The following CCDC38 variants were observed in gnomAD, a reference collection of about 807,000 sequenced individuals.
The protein encoded by CCDC38 is coiled-coil domain-containing protein 38.
A neutral mutation model predicts 72.8 loss-of-function variants in CCDC38; 69 were observed. The observed-to-expected ratio is 0.95, with a 90% CI of 0.78 to 1.16. The LOEUF (loss-of-function observed/expected upper bound fraction) is 1.16. CCDC38 is among the 50% of genes most tolerant of loss of function. The probability of loss-of-function intolerance (pLI) is 0.00; values close to 1 mark genes in which losing one functional copy is unlikely to be tolerated. For synonymous variants in CCDC38, 201 were observed against 213.2 expected (o/e 0.94, Z 0.50); for missense variants, 626 against 638.9 (o/e 0.98, Z 0.22).
At position 95,867,066 on chromosome 12, in the gene CCDC38, C is replaced by T. The variant is rs1016376088; in HGVS notation, c.*10G>A. The stretch of plus-strand genomic sequence containing the variant: ...GACATTCTGGTAATAAAATGTCTTA[C>T]TGCTTTTATTCAAGTAAAAAAATAT... On this transcript the variant is annotated 3_prime_UTR_variant, in exon 16 of 16. Transcript: ENST00000344280. 2.1e-6 allele frequency: 3 copies of T among 1,413,198 alleles called. No individual in the cohort carries two copies. In the Admixed American group the frequency reaches 5.2e-5, roughly 25 times the overall value. The allele number at this position is 1,413,198 out of a possible 1,614,324, so 87.5% of individuals were successfully genotyped here. A position where few individuals can be genotyped will look rare whatever the true frequency, so the allele number is the denominator to read the frequency against.
In CCDC38 at chr12:95,879,654, G is replaced by T; in HGVS notation, c.1132C>A (p.Gln378Lys). ...TTTATAATGACTTACGTTTTATCCT[G>T]TATAACTTTTTCTCTTTTGTTTACC... ...EEVNKREKVI[Q>K]DKTNSNIEFL... The change falls in exon 12 of 16, where the codon CAG becomes AAG. Residue 378 changes from glutamine to lysine, a missense_variant. Physicochemically the swap from Gln to Lys is moderately conservative, Grantham distance 53. Coordinates refer to ENST00000344280, the MANE Select transcript of CCDC38 (RefSeq NM_182496.3). The surrounding 1 kb of genome is among the most constrained non-coding windows in gnomAD (Gnocchi z 5.5). 1.9e-6 allele frequency: 3 copies of T among 1,587,858 alleles called. No individual in the cohort carries two copies. The highest frequency in any genetic ancestry group is 2.6e-6 in the Non-Finnish European group (3 of 1,159,550).
intron 8 of CCDC38, among the ~76,000 whole-genome samples, chr12:95,894,649 C>G (rs2079866267): frequency 6.6e-6 from 1 of 152,172 alleles, no homozygotes; most frequent in African/African-American, 2.4e-5. Context: ...ACACATGTTT[C>G]CCTTCTGCCA....
chr12:95,933,425 A>G (rs1009725524), intron 2 of CCDC38: 1 of 152,260 alleles, frequency 6.6e-6, no homozygotes, highest in Non-Finnish European at 1.5e-5. Context: ...TATGGTCAAT[A>G]AACATATGAA....
chr12:95,934,518 T>C lies in CCDC38; in HGVS notation c.37+1955A>G, dbSNP rs1456408732. The C allele has an allele frequency of 2.0e-5, 3 of 152,124 alleles. No individual in the cohort carries two copies. The East Asian group carries it at 5.8e-4, about 29-fold the overall frequency. 9.4% of individuals were successfully genotyped at this position (152,124 alleles called of 1,614,324 possible). A position where few individuals can be genotyped will look rare whatever the true frequency, so the allele number is the denominator to read the frequency against. On this transcript the variant is annotated intron_variant, in intron 2 of 15. Coordinates refer to ENST00000344280, the MANE Select transcript of CCDC38 (RefSeq NM_182496.3). ...CAGGAAACTGTAGCAAGCTAACTTA[T>C]GAGTTTGCAAGTAGAGGAAAATCTT...
At chr12:95,928,262 C>T (rs10859987) in intron 2 of CCDC38, among the ~76,000 whole-genome samples, 79,871 of 151,640 alleles carry the variant, frequency 0.53, 21,700 homozygotes, top group East Asian at 0.92. Context: ...TTCTCTAAAC[C>T]TCCCTTCTCG....
At chr12:95,939,100 C>T (rs2080423007) in intron 1 of CCDC38, among the ~76,000 whole-genome samples, 1 of 152,194 alleles carries the variant, frequency 6.6e-6, no homozygotes, top group Non-Finnish European at 1.5e-5. Flanking sequence ...CAAATAGTAT[C>T]TACCTTGTGG....
intron 12 of CCDC38, 68 bp from the exon 13 acceptor site, chr12:95,878,414 G>C: frequency 6.9e-7 from 1 of 1,458,356 alleles, no homozygotes; most frequent in South Asian, 1.2e-5. Flanking sequence ...TCAGTCAGGA[G>C]CTTTAACACT....
At chr12:95,923,157 C>T (rs1404950594) in intron 2 of CCDC38, among the ~76,000 whole-genome samples, 1 of 152,114 alleles carries the variant, frequency 6.6e-6, no homozygotes, top group Non-Finnish European at 1.5e-5. Flanking sequence ...ATCAGTTCCC[C>T]TGCTTCTCAG....
At chr12:95,895,595 T>C (rs757700162) in intron 7 of CCDC38, among the ~76,000 whole-genome samples, 2 of 150,486 alleles carry the variant, frequency 1.3e-5, no homozygotes, top group Admixed American at 6.6e-5. Context: ...TTACTAAAAA[T>C]AGAAAAAACT....
chr12:95,916,535 A>G (rs1049364779), intron 4 of CCDC38, among the ~76,000 whole-genome samples: 3 of 151,968 alleles, frequency 2.0e-5, no homozygotes, highest in African/African-American at 7.3e-5. Context: ...TTAACTTCAA[A>G]GTACTTTCTA....
intron 11 of CCDC38, among the ~76,000 whole-genome samples, chr12:95,881,132 G>A (rs1389836492): frequency 6.6e-6 from 1 of 151,788 alleles, no homozygotes; most frequent in Non-Finnish European, 1.5e-5. Flanking sequence ...TTGTTTTGTT[G>A]AAGGCCTATT....
At chr12:95,933,966 G>A (rs2080364376) in intron 2 of CCDC38, 1 of 151,972 alleles carries the variant, frequency 6.6e-6, no homozygotes, top group Non-Finnish European at 1.5e-5. Flanking sequence ...TTGAACCCGA[G>A]AATTCAAGAC....
In CCDC38 at chr12:95,872,404, A is replaced by G. The variant is rs757051516; in HGVS notation, c.1335T>C (p.Ile445=). The change falls in exon 14 of 16, where the codon ATT becomes ATC. Residue 445 remains isoleucine (I), a synonymous_variant. Transcript: ENST00000344280. The part of the protein sequence containing the change: ...KKITQVYKVC[I]GDAEDDGLNP... ...TGAGGCCGTCATCCTCAGCATCTCC[A>G]ATGCAGACTTTGTATACTTGAGTAA... is the stretch of plus-strand genomic sequence containing the variant. The G allele has an allele frequency of 9.9e-6, 16 of 1,614,026 alleles. No homozygotes were observed. The highest frequency in any genetic ancestry group is 2.5e-6 in the Non-Finnish European group (3 of 1,180,014).
rs2079675632 is a variant in CCDC38 at position 95,879,625 on chromosome 12, C to T, written c.1142+19G>A. 1.3e-6 allele frequency: 2 copies of T among 1,535,662 alleles called. No individual in the cohort carries two copies. Among genetic ancestry groups the T allele is most frequent in the Non-Finnish European group, 8.9e-7 (1 of 1,120,956 alleles). ...GAAATTGCTTAATGGAATAAATCTA[C>T]TTGTTTATAATGACTTACGTTTTAT... On this transcript the variant is annotated intron_variant, in intron 12 of 15. Transcript: ENST00000344280. This position sits in a 1 kb window ranked among gnomAD's most constrained non-coding sequence, Gnocchi z 5.5.
intron 2 of CCDC38, chr12:95,935,584 C>A: frequency 3.9e-6 from 1 of 254,182 alleles, no homozygotes; most frequent in Non-Finnish European, 8.2e-6. Context: ...TATTTTCTGT[C>A]TCTTGCAGCC....
At chr12:95,872,568 C>T (rs916106138) in intron 13 of CCDC38, 108 bp from the exon 14 acceptor site, 19 of 735,018 alleles carry the variant, frequency 2.6e-5, no homozygotes, top group African/African-American at 3.6e-5. Flanking sequence ...TAAATGTTTA[C>T]ATTTTTATTT....
intron 13 of CCDC38, among the ~76,000 whole-genome samples, chr12:95,875,376 G>C (rs1004054365): frequency 1.3e-5 from 2 of 152,134 alleles, no homozygotes; most frequent in Non-Finnish European, 2.9e-5. Context: ...AACTTAAAAT[G>C]TTATTTTAAA....
intron 2 of CCDC38, among the ~76,000 whole-genome samples, chr12:95,923,528 G>A (rs187408286): frequency 2.6e-5 from 4 of 151,720 alleles, no homozygotes; most frequent in African/African-American, 9.7e-5. Context: ...CCTATCCCAA[G>A]TGTCTTTTTT....
At chr12:95,899,253 C>T (rs2079926037) in intron 5 of CCDC38, among the ~76,000 whole-genome samples, 1 of 152,138 alleles carries the variant, frequency 6.6e-6, no homozygotes, top group Non-Finnish European at 1.5e-5. Flanking sequence ...CTTCTAGTTC[C>T]TTCTATTTTT....
Sources: gnomAD v4.1 joint callset for allele counts (sites outside exome capture counted in the v4.1 genomes callset) on GRCh38, gnomAD v4.1.1 for gene constraint, Gnocchi (gnomAD v3.1) non-coding constraint, MANE v1.5 for transcripts, NCBI Gene and HGNC (gene_info 2026-07-23, HGNC 2026-07-21) for gene names.